PHF21B: variants seen among roughly 807,000 people sequenced by gnomAD.
PHF21B encodes PHD finger protein 4.
Under a neutral mutation model 62.2 loss-of-function variants are expected in PHF21B, and 22 were observed. The observed-to-expected ratio is 0.35, with a 90% CI of 0.25 to 0.51. The LOEUF (loss-of-function observed/expected upper bound fraction) is 0.51. Ranked by LOEUF, PHF21B falls within the 20% of genes least tolerant of loss-of-function variation. The pLI, the probability that PHF21B is intolerant of heterozygous loss-of-function variation, is 0.97. For synonymous variants in PHF21B, 341 were observed against 314.7 expected (o/e 1.08, Z -0.88); for missense variants, 701 against 707.9 (o/e 0.99, Z 0.11).
chr22:44,905,651 C>T (rs924467788), intron 5 of PHF21B, among the ~76,000 whole-genome samples: 5 of 152,106 alleles, frequency 3.3e-5, no homozygotes, highest in African/African-American at 4.8e-5. Flanking sequence ...TTTTTTGATA[C>T]GGAATCTCGC....
intron 5 of PHF21B, among the ~76,000 whole-genome samples, chr22:44,899,996 C>G (rs748524662): frequency 3.3e-5 from 5 of 152,120 alleles, no homozygotes; most frequent in Non-Finnish European, 7.4e-5. Context: ...AAAAATGGTT[C>G]TCTTTAATTT....
Position 45,009,627 on chromosome 22 carries a change from G to A in PHF21B, c.-78C>T. 7.2e-7 allele frequency: 1 copy of A among 1,393,180 alleles called. No homozygotes were observed. Among genetic ancestry groups the A allele is most frequent in the Non-Finnish European group, 9.3e-7 (1 of 1,070,338 alleles). 86.3% of individuals were successfully genotyped at this position (1,393,180 alleles called of 1,614,324 possible). On this transcript the variant is annotated 5_prime_UTR_variant, in exon 1 of 13. Coordinates refer to ENST00000313237, the MANE Select transcript of PHF21B (RefSeq NM_138415.5). The surrounding 1 kb of genome is among the most constrained non-coding windows in gnomAD (Gnocchi z 5.9). ...GTTGCGCGGCTCCGCGGGGGCCAGA[G>A]CGGGCGCGGGCGGACGCGGCCTCCG...
At chr22:44,912,323 C>T (rs1483566930) in intron 5 of PHF21B, among the ~76,000 whole-genome samples, 1 of 152,084 alleles carries the variant, frequency 6.6e-6, no homozygotes, top group East Asian at 1.9e-4. Flanking sequence ...AATATGAAGA[C>T]ATGAGATGTG....
At chr22:44,966,173 G>A (rs749579933) in intron 2 of PHF21B, among the ~76,000 whole-genome samples, 1 of 152,190 alleles carries the variant, frequency 6.6e-6, no homozygotes, top group Non-Finnish European at 1.5e-5. Context: ...TACGCTGCCT[G>A]GGCCTCCTAG....
intron 2 of PHF21B, among the ~76,000 whole-genome samples, chr22:44,985,255 T>C (rs2072925015): frequency 6.6e-6 from 1 of 152,252 alleles, no homozygotes; most frequent in Non-Finnish European, 1.5e-5. Flanking sequence ...AAAATTTTAC[T>C]GTTGCACACC....
chr22:44,980,060 C>A (rs1272372471), intron 2 of PHF21B, among the ~76,000 whole-genome samples: 2 of 81,190 alleles, frequency 2.5e-5, no homozygotes, highest in Admixed American at 4.6e-4. Context: ...CAGAGCAAGA[C>A]TTCGTCTCAA....
chr22:44,947,796 T>C (rs1258191086), intron 2 of PHF21B, among the ~76,000 whole-genome samples: 1 of 152,170 alleles, frequency 6.6e-6, no homozygotes, highest in African/African-American at 2.4e-5. Context: ...CAGATATGTT[T>C]CAGTTTGTCA....
At chr22:44,942,168 T>C (rs2071971272) in intron 2 of PHF21B, among the ~76,000 whole-genome samples, 1 of 152,166 alleles carries the variant, frequency 6.6e-6, no homozygotes. Context: ...CCTTCTCCCT[T>C]TTCCCAGCCA....
At chr22:45,005,999 T>C (rs1225249756) in intron 2 of PHF21B, among the ~76,000 whole-genome samples, 1 of 152,116 alleles carries the variant, frequency 6.6e-6, no homozygotes, top group Non-Finnish European at 1.5e-5. Flanking sequence ...TCATCGACCT[T>C]TCCCCAGCTA....
At chr22:44,919,879 G>C (rs1001820886) in intron 3 of PHF21B, among the ~76,000 whole-genome samples, 10 of 152,230 alleles carry the variant, frequency 6.6e-5, no homozygotes, top group Admixed American at 6.5e-4. Flanking sequence ...CCTCGGCCCA[G>C]GAAGGCTGAG....
rs1601709983 is a variant in PHF21B, at chr22:45,009,724, A to T, written c.-175T>A. 1 of 539,942 alleles carries T rather than the reference A, an allele frequency of 1.9e-6. No homozygotes were observed. Among genetic ancestry groups the T allele is most frequent in the South Asian group, 2.9e-5 (1 of 35,024 alleles). The allele number at this position is 539,942 out of a possible 1,614,324, so 33.4% of individuals were successfully genotyped here. A position where few individuals can be genotyped will look rare whatever the true frequency, so the allele number is the denominator to read the frequency against. On this transcript the variant is annotated 5_prime_UTR_variant, in exon 1 of 13. Coordinates refer to ENST00000313237, the MANE Select transcript of PHF21B (RefSeq NM_138415.5). This position sits in a 1 kb window ranked among gnomAD's most constrained non-coding sequence, Gnocchi z 5.9. The stretch of plus-strand genomic sequence containing the variant: ...GAAGGGGGCTGGCGAAGGGGAAGAC[A>T]GGCTTCCGGGCGCCGCGGCGCCGAG...
intron 4 of PHF21B, 29 bp downstream of exon 4, chr22:44,916,251 C>T: frequency 6.3e-7 from 1 of 1,597,758 alleles, no homozygotes; most frequent in Non-Finnish European, 8.5e-7. Context: ...GCCGCACACC[C>T]TTTCCGGAGC....
At chr22:44,991,177 C>CTAAA (rs754398012) in intron 2 of PHF21B, among the ~76,000 whole-genome samples, 2 of 152,208 alleles carry the variant, frequency 1.3e-5, no homozygotes, top group East Asian at 3.9e-4. Context: ...AGCATTTGTG[C>CTAAA]ACCAAGGGGA....
At chr22:44,950,270 G>C (rs1319939650) in intron 2 of PHF21B, among the ~76,000 whole-genome samples, 6 of 152,244 alleles carry the variant, frequency 3.9e-5, no homozygotes, top group Admixed American at 3.3e-4. Flanking sequence ...TCAACCCTGG[G>C]TTGCGTACCG....
intron 5 of PHF21B, among the ~76,000 whole-genome samples, chr22:44,897,336 T>C (rs1321065441): frequency 6.6e-6 from 1 of 152,092 alleles, no homozygotes; most frequent in African/African-American, 2.4e-5. Context: ...ATTCCCTGCC[T>C]TGAGTGTGGG....
At chr22:44,907,718 A>C (rs1466420508) in intron 5 of PHF21B, among the ~76,000 whole-genome samples, 1 of 152,244 alleles carries the variant, frequency 6.6e-6, no homozygotes, top group Non-Finnish European at 1.5e-5. Context: ...TTTGTGGGGC[A>C]TTTGCACAAC....
intron 3 of PHF21B, among the ~76,000 whole-genome samples, chr22:44,917,080 C>G (rs939750411): frequency 6.6e-6 from 1 of 152,230 alleles, no homozygotes; most frequent in African/African-American, 2.4e-5. Context: ...TTCTGCTTCT[C>G]AGTCTGGGTG....
chr22:44,929,134 G>A (rs1448737735), intron 2 of PHF21B, among the ~76,000 whole-genome samples: 3 of 152,232 alleles, frequency 2.0e-5, no homozygotes, highest in Non-Finnish European at 4.4e-5. Flanking sequence ...TGTGATGTGT[G>A]GCAAAGATAA....
chr22:44,952,089 T>C (rs2072205950), intron 2 of PHF21B, among the ~76,000 whole-genome samples: 1 of 152,174 alleles, frequency 6.6e-6, no homozygotes, highest in Admixed American at 6.5e-5. Context: ...ACACCTGTAA[T>C]CCCAGCACCT....
Sources: gnomAD v4.1 joint callset for allele counts (sites outside exome capture counted in the v4.1 genomes callset) on GRCh38, gnomAD v4.1.1 for gene constraint, Gnocchi (gnomAD v3.1) non-coding constraint, MANE v1.5 for transcripts, NCBI Gene and HGNC (gene_info 2026-07-23, HGNC 2026-07-21) for gene names.